ABCC5: variants seen among roughly 807,000 people sequenced by gnomAD.
The protein encoded by ABCC5 is ATP-binding cassette sub-family C member 5.
Under a neutral mutation model 160.9 loss-of-function variants are expected in ABCC5, and 61 were observed. The observed-to-expected ratio is 0.38, with a 90% CI of 0.31 to 0.47. The LOEUF (loss-of-function observed/expected upper bound fraction) is 0.47. Among genes scored for constraint, ABCC5 ranks in the 20% least tolerant of loss-of-function variants. The pLI is 0.99. For missense variants in ABCC5, 1,308 were observed against 1,813.3 expected (o/e 0.72, Z 5.06); for synonymous variants, 666 against 700.6 (o/e 0.95, Z 0.78).
intron 5 of ABCC5, chr3:183,985,616 T>A: frequency 1.7e-6 from 1 of 594,556 alleles, no homozygotes; most frequent in South Asian, 1.7e-5. Flanking sequence ...TGCTAATTCT[T>A]TATACACAGA....
intron 5 of ABCC5, chr3:183,986,552 A>T (rs1440844105): frequency 6.6e-6 from 1 of 152,204 alleles, no homozygotes; most frequent in Non-Finnish European, 1.5e-5. Flanking sequence ...AAATCCCAGC[A>T]ATCCATGGAA....
chr3:183,982,943 A>G lies in ABCC5; in HGVS notation c.656T>C (p.Leu219Ser). The change falls in exon 6 of 30, where the codon TTG becomes TCG. Residue 219 changes from leucine to serine, a missense_variant. Physicochemically the swap from Leu to Ser is moderately radical, Grantham distance 145. Coordinates refer to ENST00000334444, the MANE Select transcript of ABCC5 (RefSeq NM_005688.4). This position sits in a 1 kb window ranked among gnomAD's most constrained non-coding sequence, Gnocchi z 5.2. The part of the protein sequence containing the change: ...QATESNLQYS[L>S]LLVLGLLLTE... ...CAGGAGGAGGCCCAGCACTAACAAC[A>G]AGCTGTACTGCAGGTTAGACTCTGT... 6.2e-7 allele frequency: 1 copy of G among 1,614,254 alleles called. No individual in the cohort carries two copies.
rs563074461 is a variant in ABCC5 at position 183,971,721 on chromosome 3, G to C, written c.1603C>G (p.Arg535Gly). The change falls in exon 11 of 30, where the codon CGC becomes GGC. Residue 535 changes from arginine to glycine, a missense_variant. This residue lies in a region of ABCC5 where 1,142 missense variants were observed against 1,527.1 expected (regional missense o/e 0.75). Transcript: ENST00000334444. ...GKKEKVRQLQ[R>G]TEHQAVLAEQ... ...GCCAGCACCGCCTGATGCTCAGTGCGCTGCAGCTGCCTCACCTTCTCTTTC... is the reference window on the plus strand; with the variant it reads ...GCCAGCACCGCCTGATGCTCAGTGCCCTGCAGCTGCCTCACCTTCTCTTTC... The C allele has an allele frequency of 4.5e-5, 73 of 1,614,096 alleles. No homozygotes were observed. Among genetic ancestry groups the C allele is most frequent in the Middle Eastern group, 1.6e-4 (1 of 6,084 alleles).
chr3:183,981,068 A>T (rs1718700423), intron 8 of ABCC5, among the ~76,000 whole-genome samples: 6 of 152,090 alleles, frequency 3.9e-5, no homozygotes, highest in Admixed American at 3.9e-4. Flanking sequence ...ACAGCACTGG[A>T]CTCAGCTCCT....
intron 22 of ABCC5, among the ~76,000 whole-genome samples, chr3:183,948,607 A>G (rs1715060532): frequency 6.6e-6 from 1 of 152,246 alleles, no homozygotes; most frequent in Admixed American, 6.5e-5. Flanking sequence ...TGAAAGGTCA[A>G]GTCTGTCTCA....
intron 2 of ABCC5, among the ~76,000 whole-genome samples, chr3:184,005,558 G>A (rs182005579): frequency 3.1e-4 from 47 of 149,258 alleles, no homozygotes; most frequent in African/African-American, 1.1e-3. Context: ...GCCTTCTGGA[G>A]TCCCTGTTTC....
At chr3:184,001,179 G>C in intron 2 of ABCC5, 1 of 466,854 alleles carries the variant, frequency 2.1e-6, no homozygotes, top group Non-Finnish European at 3.8e-6. Context: ...CAGGAGCCCA[G>C]GTGTTTGACG....
chr3:183,957,448 T>G lies in ABCC5; in HGVS notation c.2482+2285A>C, dbSNP rs374263053. Among the ~76,000 whole-genome samples the G allele has an allele frequency of 8.9e-4, 108 of 121,998 alleles. 2 individuals are homozygous for G. The highest frequency in any genetic ancestry group is 2.0e-3 in the African/African-American group (64 of 31,760). 80.0% of individuals were successfully genotyped at this position (121,998 alleles called of 152,430 possible). A position where few individuals can be genotyped will look rare whatever the true frequency, so the allele number is the denominator to read the frequency against. On this transcript the variant is annotated intron_variant, in intron 17 of 29. Transcript: ENST00000334444. ...TGCAGATCCATGTGTATATCACATC[T>G]GTTACATGCGGATCCGTGTGTATAT...
Position 183,989,453 on chromosome 3 carries a change from G to T in ABCC5, c.130-70C>A, listed in dbSNP as rs183650552. 4 of 1,532,796 alleles carry T rather than the reference G, an allele frequency of 2.6e-6. No homozygotes were observed. The African/African-American group carries it at 5.5e-5, about 21-fold the overall frequency. 94.9% of individuals were successfully genotyped at this position (1,532,796 alleles called of 1,614,324 possible). A position where few individuals can be genotyped will look rare whatever the true frequency, so the allele number is the denominator to read the frequency against. ...CAGGCGAGAGGCAAACGGAACTGAT[G>T]AAACAGCTCAAACTGCAAACTGGAC... On this transcript the variant is annotated intron_variant, in intron 2 of 29. Transcript: ENST00000334444.
chr3:183,973,877 A>G (rs142087690), intron 10 of ABCC5, among the ~76,000 whole-genome samples: 1 of 152,332 alleles, frequency 6.6e-6, no homozygotes, highest in East Asian at 1.9e-4. Flanking sequence ...GAGTTATTCA[A>G]AGGATGAAGG....
rs1722270369 is a variant in ABCC5, at chr3:184,017,309, A to G, written c.-56+521T>C. The G allele has an allele frequency of 6.6e-6, 1 of 151,984 alleles. No homozygotes were observed. The highest frequency in any genetic ancestry group is 1.5e-5 in the Non-Finnish European group (1 of 68,002). The allele number at this position is 151,984 out of a possible 1,614,324, so 9.4% of individuals were successfully genotyped here. A position where few individuals can be genotyped will look rare whatever the true frequency, so the allele number is the denominator to read the frequency against. ...TTTGCTGCGCGTGCTTATGTCACGTACCTCCATTTACCCGCTTGCAAAAAC... is the reference window on the plus strand; with the variant it reads ...TTTGCTGCGCGTGCTTATGTCACGTGCCTCCATTTACCCGCTTGCAAAAAC... On this transcript the variant is annotated intron_variant, in intron 1 of 29. Transcript: ENST00000334444. This position sits in a 1 kb window ranked among gnomAD's most constrained non-coding sequence, Gnocchi z 4.5.
At chr3:183,932,959 G>A (rs765352770) in intron 26 of ABCC5, among the ~76,000 whole-genome samples, 20 of 152,090 alleles carry the variant, frequency 1.3e-4, no homozygotes, top group Non-Finnish European at 2.9e-4. Context: ...GAGGTCAGGA[G>A]TTCAAGACCA....
At chr3:183,926,949 G>A in intron 28 of ABCC5, among the ~76,000 whole-genome samples, 1 of 151,990 alleles carries the variant, frequency 6.6e-6, no homozygotes, top group Non-Finnish European at 1.5e-5. Context: ...GGAGGCTGAG[G>A]CAGGAGAATC....
intron 2 of ABCC5, among the ~76,000 whole-genome samples, chr3:184,002,440 A>T (rs922540874): frequency 6.6e-6 from 1 of 152,124 alleles, no homozygotes; most frequent in Non-Finnish European, 1.5e-5. Flanking sequence ...CAATAACAAA[A>T]AGCAATTCAG....
At chr3:184,005,453 A>T (rs906110416) in intron 2 of ABCC5, among the ~76,000 whole-genome samples, 2 of 152,228 alleles carry the variant, frequency 1.3e-5, no homozygotes, top group Non-Finnish European at 2.9e-5. Context: ...GAGGAAAAGG[A>T]TAAATTTAAT....
At chr3:183,976,275 A>G (rs1201507909) in intron 10 of ABCC5, among the ~76,000 whole-genome samples, 5 of 151,852 alleles carry the variant, frequency 3.3e-5, no homozygotes, top group Non-Finnish European at 2.9e-5. Flanking sequence ...AAAAACACAG[A>G]TAAGAGTCTC....
intron 26 of ABCC5, among the ~76,000 whole-genome samples, chr3:183,936,754 C>T (rs756490050): frequency 6.6e-6 from 1 of 152,124 alleles, no homozygotes; most frequent in Non-Finnish European, 1.5e-5. Flanking sequence ...GTGATCCGCC[C>T]GCATTGGCCT....
At chr3:183,994,678 T>C (rs1245129132) in intron 2 of ABCC5, among the ~76,000 whole-genome samples, 2 of 152,052 alleles carry the variant, frequency 1.3e-5, no homozygotes, top group African/African-American at 4.8e-5. Context: ...CTGGCCAGTA[T>C]TGGCATTATA....
intron 10 of ABCC5, among the ~76,000 whole-genome samples, chr3:183,975,125 G>T (rs1718095614): frequency 6.6e-6 from 1 of 152,080 alleles, no homozygotes; most frequent in African/African-American, 2.4e-5. Flanking sequence ...ACAATCCCAG[G>T]AACAGTTCTG....
Sources: allele counts gnomAD v4.1 joint callset (sites outside exome capture counted in the v4.1 genomes callset), GRCh38; gene constraint gnomAD v4.1.1; regional missense constraint gnomAD v4.1.1; non-coding constraint Gnocchi (gnomAD v3.1); transcripts MANE v1.5; gene names NCBI Gene and HGNC (gene_info 2026-07-23, HGNC 2026-07-21).